Variants in ASB18 observed in about 807,000 individuals in gnomAD.
ASB18 encodes ankyrin repeat and SOCS box containing 18, also known as ankyrin repeat and SOCS box protein 18.
A neutral mutation model predicts 33.4 loss-of-function variants in ASB18; 33 were observed. That is an observed-to-expected ratio of 0.99 (90% confidence interval 0.75 to 1.32). The LOEUF (loss-of-function observed/expected upper bound fraction) is 1.32, where lower values mean the gene tolerates loss of function less well. Ranked by LOEUF, ASB18 falls within the 40% of genes most tolerant of loss-of-function variation. ASB18 has a pLI of 0.00. For synonymous variants in ASB18, 295 were observed against 307.6 expected, an observed-to-expected ratio of 0.96 and a Z score of 0.43; for missense variants, 694 against 655.5, an observed-to-expected ratio of 1.06 and a Z score of -0.64.
intron 4 of ASB18, among the ~76,000 whole-genome samples, chr2:236,201,449 C>T (rs1168178716): frequency 5.3e-5 from 8 of 152,024 alleles, no homozygotes; most frequent in East Asian, 1.9e-4. Context: ...CCACTACACC[C>T]GGCTCATCTT....
intron 1 of ASB18, among the ~76,000 whole-genome samples, chr2:236,243,684 C>T (rs1421664228): frequency 1.9e-5 from 2 of 103,850 alleles, no homozygotes; most frequent in African/African-American, 3.3e-5. Flanking sequence ...AGTAATGCCA[C>T]ATTTTTTTTT....
rs887498077 is a variant in ASB18, at chr2:236,204,544, T to C, written c.1102-8159A>G. On this transcript the variant is annotated intron_variant, in intron 4 of 5. Coordinates refer to ENST00000409749, the MANE Select transcript of ASB18 (RefSeq NM_212556.4). This position sits in a 1 kb window ranked among gnomAD's most constrained non-coding sequence, Gnocchi z 5.1. ...TTTGTCACTGACCCTCAAAGGTATA[T>C]CTCCAGGTTGGCCAAATCTCTCCCT... Among the ~76,000 whole-genome samples the C allele has an allele frequency of 2.0e-5, 3 of 152,190 alleles. No individual in the cohort carries two copies. Among genetic ancestry groups the C allele is most frequent in the African/African-American group, 4.8e-5 (2 of 41,440 alleles).
chr2:236,242,746 A>G (rs1315892818), intron 1 of ASB18, among the ~76,000 whole-genome samples: 1 of 150,672 alleles, frequency 6.6e-6, no homozygotes, highest in Non-Finnish European at 1.5e-5. Context: ...GATTGCAGAC[A>G]TGAGCCACTG....
chr2:236,241,432 AC>A lies in ASB18; in HGVS notation c.206-31del, dbSNP rs1316830545. ...GACCAGGGCAGTGTGGTACTCCTGC[AC>A]CGGGGACCCTGCTCTAGCTTGAGGA... On this transcript the variant is annotated intron_variant, in intron 1 of 5. Coordinates refer to ENST00000409749, the MANE Select transcript of ASB18 (RefSeq NM_212556.4). The surrounding 1 kb of genome is among the most constrained non-coding windows in gnomAD (Gnocchi z 4.2). 6.2e-7 allele frequency: 1 copy of A among 1,613,498 alleles called. No homozygotes were observed. Among genetic ancestry groups the A allele is most frequent in the Non-Finnish European group, 8.5e-7 (1 of 1,179,684 alleles).
intron 1 of ASB18, among the ~76,000 whole-genome samples, chr2:236,258,815 T>G (rs2060704918): frequency 3.3e-5 from 5 of 152,214 alleles, no homozygotes; most frequent in Admixed American, 3.3e-4. Context: ...TAGTATTTCT[T>G]TAACTTTCCT....
chr2:236,211,331 C>G lies in ASB18; in HGVS notation c.1101+3031G>C, dbSNP rs959409940. Among the ~76,000 whole-genome samples, 7 of 152,232 alleles carry G rather than the reference C, an allele frequency of 4.6e-5. No homozygotes were observed. Among genetic ancestry groups the G allele is most frequent in the Non-Finnish European group, 8.8e-5 (6 of 68,036 alleles). ...GCCAGGCAGAAAGGCCTGGCACTGT[C>G]AACACGTGGGCTTCCGAAGCCGTGA... On this transcript the variant is annotated intron_variant, in intron 4 of 5. Coordinates refer to ENST00000409749, the MANE Select transcript of ASB18 (RefSeq NM_212556.4). The surrounding 1 kb of genome is among the most constrained non-coding windows in gnomAD (Gnocchi z 5.0).
At chr2:236,202,376 G>A (rs1002791529) in intron 4 of ASB18, among the ~76,000 whole-genome samples, 1 of 150,174 alleles carries the variant, frequency 6.7e-6, no homozygotes, top group Non-Finnish European at 1.5e-5. Flanking sequence ...TCTCACTCTG[G>A]TCTCACTTTA....
At chr2:236,207,275 T>C (rs1444944057) in intron 4 of ASB18, among the ~76,000 whole-genome samples, 2 of 152,204 alleles carry the variant, frequency 1.3e-5, no homozygotes, top group Admixed American at 6.5e-5. Flanking sequence ...CCTTCTTTAG[T>C]GTATACTTCA....
At position 236,257,773 on chromosome 2, in the gene ASB18, G is replaced by A. The variant is rs766344837; in HGVS notation, c.205+6368C>T. Among the ~76,000 whole-genome samples, 3 of 152,200 alleles carry A rather than the reference G, an allele frequency of 2.0e-5. No homozygotes were observed. Among genetic ancestry groups the A allele is most frequent in the Non-Finnish European group, 2.9e-5 (2 of 68,040 alleles). ...GCAGCAGTGTTCCGGTCTGTAGAAC[G>A]CAGCTGTGGGATGAACTACAGGTGC... On this transcript the variant is annotated intron_variant, in intron 1 of 5. Coordinates refer to ENST00000409749, the MANE Select transcript of ASB18 (RefSeq NM_212556.4). The surrounding 1 kb of genome is among the most constrained non-coding windows in gnomAD (Gnocchi z 5.5).
rs149889496 is a variant in ASB18, at chr2:236,238,610, GGTGT to G, written c.329-658_329-655del. Among the ~76,000 whole-genome samples the G allele has an allele frequency of 6.6e-5, 10 of 150,380 alleles. No individual in the cohort carries two copies. The highest frequency in any genetic ancestry group is 2.1e-4 in the South Asian group (1 of 4,740). On this transcript the variant is annotated intron_variant, in intron 2 of 5. Coordinates refer to ENST00000409749, the MANE Select transcript of ASB18 (RefSeq NM_212556.4). The surrounding 1 kb of genome is among the most constrained non-coding windows in gnomAD (Gnocchi z 5.2). Reference sequence around the variant, plus strand: ...GGTTTGTTTCTTTGCGCTTTTTAGGGGTGTGTGTGTGTGTGTGTGTAGGGTTGCT... The same window carrying G: ...GGTTTGTTTCTTTGCGCTTTTTAGGGGTGTGTGTGTGTGTGTAGGGTTGCT...
In ASB18 at chr2:236,260,733, A is replaced by G. The variant is rs2060713700; in HGVS notation, c.205+3408T>C. On this transcript the variant is annotated intron_variant, in intron 1 of 5. Coordinates refer to ENST00000409749, the MANE Select transcript of ASB18 (RefSeq NM_212556.4). This position sits in a 1 kb window ranked among gnomAD's most constrained non-coding sequence, Gnocchi z 5.1. Reference sequence around the variant, plus strand: ...ATTCTACGGGTTGTCAGCAGACATGAAAGTGAGGTTCTGGGTTGAGATGAG... The same window carrying G: ...ATTCTACGGGTTGTCAGCAGACATGGAAGTGAGGTTCTGGGTTGAGATGAG... Among the ~76,000 whole-genome samples the G allele has an allele frequency of 6.6e-6, 1 of 152,174 alleles. No homozygotes were observed. The highest frequency in any genetic ancestry group is 6.5e-5 in the Admixed American group (1 of 15,280).
Position 236,196,542 on chromosome 2 carries a change from G to C in ASB18, c.1102-157C>G, listed in dbSNP as rs894038824. On this transcript the variant is annotated intron_variant, in intron 4 of 5. Coordinates refer to ENST00000409749, the MANE Select transcript of ASB18 (RefSeq NM_212556.4). The surrounding 1 kb of genome is among the most constrained non-coding windows in gnomAD (Gnocchi z 5.6). ...AGCAACAGAGCAGTACCACAGGGTT[G>C]CTGCAGGGATCACATGAATTAGTGC... Among the ~76,000 whole-genome samples the C allele has an allele frequency of 6.6e-6, 1 of 152,196 alleles. No homozygotes were observed. Among genetic ancestry groups the C allele is most frequent in the Admixed American group, 6.5e-5 (1 of 15,288 alleles).
rs1012341814 is a variant in ASB18, at chr2:236,231,956, A to G, written c.596+5733T>C. 2.7e-4 allele frequency among the ~76,000 whole-genome samples: 41 copies of G among 152,244 alleles called. No individual in the cohort carries two copies. The highest frequency in any genetic ancestry group is 8.3e-4 in the South Asian group (4 of 4,830). ...TTCAATAACTTGTAAAACAAGTCCA[A>G]TGAAAATCAGCAAGGATATAGAAAT... On this transcript the variant is annotated intron_variant, in intron 3 of 5. Coordinates refer to ENST00000409749, the MANE Select transcript of ASB18 (RefSeq NM_212556.4). This position sits in a 1 kb window ranked among gnomAD's most constrained non-coding sequence, Gnocchi z 5.5.
rs1158822454 is a variant in ASB18 at position 236,194,943 on chromosome 2, T to A, written c.1330A>T (p.Ile444Phe). 4.3e-6 allele frequency: 7 copies of A among 1,613,872 alleles called. No homozygotes were observed. The highest frequency in any genetic ancestry group is 5.9e-6 in the Non-Finnish European group (7 of 1,179,856). The change falls in exon 6 of 6, where the codon ATC (isoleucine) becomes TTC (phenylalanine). Residue 444 changes from isoleucine (I) to phenylalanine (F), a missense_variant. Transcript: ENST00000409749. This position sits in a 1 kb window ranked among gnomAD's most constrained non-coding sequence, Gnocchi z 4.5. Reference protein sequence around the residue: ...RLFGKRCFDLIPLLPLPKPLQ... With the variant: ...RLFGKRCFDLFPLLPLPKPLQ... ...GGCTTTGGCAAGGGTAACAGGGGGATGAGGTCAAAGCACCTTTTGCCAAAC... is the reference window on the plus strand; with the variant it reads ...GGCTTTGGCAAGGGTAACAGGGGGAAGAGGTCAAAGCACCTTTTGCCAAAC...
chr2:236,227,442 A>G (rs1233309372), intron 3 of ASB18, among the ~76,000 whole-genome samples: 1 of 152,252 alleles, frequency 6.6e-6, no homozygotes, highest in Non-Finnish European at 1.5e-5. Flanking sequence ...TAAGCAAATT[A>G]GCTATAGTAA....
intron 1 of ASB18, among the ~76,000 whole-genome samples, chr2:236,258,258 C>A (rs933712941): frequency 3.3e-5 from 5 of 152,156 alleles, no homozygotes; most frequent in African/African-American, 1.2e-4. Flanking sequence ...TTTGTTGATC[C>A]CCTCCACAAA....
chr2:236,238,047 C>CTT lies in ASB18; in HGVS notation c.329-92_329-91insAA. 1 of 1,164,420 alleles carries CTT rather than the reference C, an allele frequency of 8.6e-7. No homozygotes were observed. The highest frequency in any genetic ancestry group is 1.1e-6 in the Non-Finnish European group (1 of 884,780). 72.1% of individuals were successfully genotyped at this position (1,164,420 alleles called of 1,614,324 possible). The stretch of plus-strand genomic sequence containing the variant: ...CCTTAAGGCGGAAAGAAAGTGAAGC[C>CTT]GTCTCTTAAAGGTAGGTACCAGGTA... On this transcript the variant is annotated intron_variant, in intron 2 of 5. Transcript: ENST00000409749. This position sits in a 1 kb window ranked among gnomAD's most constrained non-coding sequence, Gnocchi z 5.2.
At chr2:236,232,392 A>C (rs1213211641) in intron 3 of ASB18, among the ~76,000 whole-genome samples, 1 of 152,108 alleles carries the variant, frequency 6.6e-6, no homozygotes, top group Non-Finnish European at 1.5e-5. Context: ...ATATTAAAAA[A>C]CATGAAAGTT....
In ASB18 at chr2:236,248,735, C is replaced by T. The variant is rs955910626; in HGVS notation, c.206-7333G>A. Reference sequence around the variant, plus strand: ...GAATGCCTTTTATCCCTGGACTTACCCCATTTTGTGTGATACATATCGTGA... The same window carrying T: ...GAATGCCTTTTATCCCTGGACTTACTCCATTTTGTGTGATACATATCGTGA... On this transcript the variant is annotated intron_variant, in intron 1 of 5. Coordinates refer to ENST00000409749, the MANE Select transcript of ASB18 (RefSeq NM_212556.4). The surrounding 1 kb of genome is among the most constrained non-coding windows in gnomAD (Gnocchi z 4.9). The T allele has an allele frequency of 2.6e-5, 4 of 152,172 alleles. No individual in the cohort carries two copies. The highest frequency in any genetic ancestry group is 9.7e-5 in the African/African-American group (4 of 41,442). 9.4% of individuals were successfully genotyped at this position (152,172 alleles called of 1,614,324 possible).
Sources: gnomAD v4.1 joint callset for allele counts (sites outside exome capture counted in the v4.1 genomes callset) on GRCh38, gnomAD v4.1.1 for gene constraint, Gnocchi (gnomAD v3.1) non-coding constraint, MANE v1.5 for transcripts, NCBI Gene and HGNC (gene_info 2026-07-23, HGNC 2026-07-21) for gene names.